RAD18: variants seen among roughly 807,000 people sequenced by gnomAD.
The protein encoded by RAD18 is E3 ubiquitin-protein ligase RAD18.
A neutral mutation model predicts 60.4 loss-of-function variants in RAD18; 47 were observed. The observed-to-expected ratio is 0.78, with a 90% CI of 0.62 to 0.99. RAD18 has a LOEUF of 0.99. RAD18 is among the 50% of genes least tolerant of loss of function. RAD18 has a pLI of 0.00. For missense variants in RAD18, 640 were observed against 593.3 expected (o/e 1.08, Z -0.82); for synonymous variants, 225 against 195.5 (o/e 1.15, Z -1.26).
rs549627114 is a variant in RAD18, at chr3:8,879,230, T to C, written c.*2127A>G. The C allele has an allele frequency of 3.9e-5, 6 of 152,180 alleles. No homozygotes were observed. Among genetic ancestry groups the C allele is most frequent in the Admixed American group, 6.5e-5 (1 of 15,272 alleles). The allele number at this position is 152,180 out of a possible 1,614,324, so 9.4% of individuals were successfully genotyped here. A position where few individuals can be genotyped will look rare whatever the true frequency, so the allele number is the denominator to read the frequency against. The stretch of plus-strand genomic sequence containing the variant: ...CCCTTAACCCCTACCACTAAATATG[T>C]TGGAAGTCTTAACTGCCGGTATCTC... On this transcript the variant is annotated 3_prime_UTR_variant, in exon 13 of 13. Transcript: ENST00000264926.
intron 7 of RAD18, among the ~76,000 whole-genome samples, chr3:8,921,812 C>A (rs899586350): frequency 1.3e-5 from 2 of 152,152 alleles, no homozygotes; most frequent in African/African-American, 2.4e-5. Flanking sequence ...TGTAGGTAAA[C>A]ACAGACCTTC....
intron 9 of RAD18, among the ~76,000 whole-genome samples, chr3:8,906,612 TTCTC>T (rs1454766812): frequency 4.6e-5 from 7 of 152,198 alleles, no homozygotes; most frequent in Admixed American, 2.0e-4. Flanking sequence ...ATGATTTGTT[TTCTC>T]TCTATCTCAG....
chr3:8,931,497 T>C (rs995261896), intron 7 of RAD18: 32 of 152,284 alleles, frequency 2.1e-4, no homozygotes, highest in Admixed American at 2.0e-3. Flanking sequence ...CTGCAGATGC[T>C]GTCCTGGACC....
At chr3:8,941,826 C>G in intron 4 of RAD18, 22 bp from the exon 5 acceptor site, 1 of 1,567,426 alleles carries the variant, frequency 6.4e-7, no homozygotes, top group East Asian at 2.2e-5. Context: ...AAGAACACAA[C>G]AGACAATTAA....
chr3:8,942,974 G>T (rs1408392898), intron 4 of RAD18, among the ~76,000 whole-genome samples: 2 of 152,174 alleles, frequency 1.3e-5, no homozygotes. Context: ...ACATTCAAGT[G>T]ACACCCCACA....
At chr3:8,943,115 T>C (rs1940782536) in intron 4 of RAD18, among the ~76,000 whole-genome samples, 1 of 152,218 alleles carries the variant, frequency 6.6e-6, no homozygotes, top group Non-Finnish European at 1.5e-5. Flanking sequence ...AACTGCCTCT[T>C]AGAACAAAAT....
rs112204554 is a variant in RAD18, at chr3:8,932,022, A to C, written c.889+3849T>G. ...TAAATGAAAATGGATCATAGATTTA[A>C]ATATAAAAGCGAAAATTATAAAACT... is the stretch of plus-strand genomic sequence containing the variant. On this transcript the variant is annotated intron_variant, in intron 7 of 12. Transcript: ENST00000264926. Among the ~76,000 whole-genome samples the C allele has an allele frequency of 2.7e-3, 413 of 152,364 alleles. 2 individuals are homozygous for C. The highest frequency in any genetic ancestry group is 3.9e-3 in the Non-Finnish European group (267 of 68,026).
intron 4 of RAD18, 38 bp from the exon 5 acceptor site, chr3:8,941,842 C>T: frequency 6.7e-7 from 1 of 1,499,802 alleles, no homozygotes; most frequent in South Asian, 1.2e-5. Context: ...ATTAAGAGAT[C>T]CAATTTTACA....
chr3:8,926,631 A>C (rs895783013), intron 7 of RAD18, among the ~76,000 whole-genome samples: 3 of 152,358 alleles, frequency 2.0e-5, no homozygotes, highest in Middle Eastern at 3.4e-3. Context: ...ACAAAGCTGG[A>C]GGCATCATGC....
intron 1 of RAD18, among the ~76,000 whole-genome samples, chr3:8,962,903 C>A (rs1941113823): frequency 6.6e-6 from 1 of 152,116 alleles, no homozygotes; most frequent in African/African-American, 2.4e-5. Flanking sequence ...AATGAAAGAG[C>A]CTGTAAAGGA....
rs528371501 is a variant in RAD18, at chr3:8,939,780, G to A, written c.605-127C>T. The A allele has an allele frequency of 1.7e-5, 13 of 750,804 alleles. No homozygotes were observed. In the South Asian group the frequency reaches 2.5e-4, roughly 15 times the overall value. 46.5% of individuals were successfully genotyped at this position (750,804 alleles called of 1,614,324 possible). Reference sequence around the variant, plus strand: ...AACTTAACATGCACTTAGAAAAGCAGAAAAGAAAAAGAATGGCCCATCGGG... The same window carrying A: ...AACTTAACATGCACTTAGAAAAGCAAAAAAGAAAAAGAATGGCCCATCGGG... On this transcript the variant is annotated intron_variant, in intron 5 of 12. Transcript: ENST00000264926.
chr3:8,940,991 T>C lies in RAD18; in HGVS notation c.604+476A>G, dbSNP rs531653287. 9.2e-5 allele frequency among the ~76,000 whole-genome samples: 14 copies of C among 152,302 alleles called. No homozygotes were observed. The South Asian group carries it at 1.9e-3, about 20-fold the overall frequency. Reference sequence around the variant, plus strand: ...CAGTTGTAGTTTGCCAATTCCTCAGTGTACTGGAGGAACAGTGGGGAGGCT... The same window carrying C: ...CAGTTGTAGTTTGCCAATTCCTCAGCGTACTGGAGGAACAGTGGGGAGGCT... On this transcript the variant is annotated intron_variant, in intron 5 of 12. Transcript: ENST00000264926.
rs569925568 is a variant in RAD18 at position 8,931,754 on chromosome 3, T to A, written c.889+4117A>T. The A allele has an allele frequency of 4.8e-4, 73 of 152,286 alleles. 1 individual carries two copies. Among genetic ancestry groups the A allele is most frequent in the African/African-American group, 1.6e-3 (67 of 41,558 alleles). 9.4% of individuals were successfully genotyped at this position (152,286 alleles called of 1,614,324 possible). ...TACCTGATAATTTTAAGACTTACTATAAAGTTACAGAAATCAAGAGTGTGT... is the reference window on the plus strand; with the variant it reads ...TACCTGATAATTTTAAGACTTACTAAAAAGTTACAGAAATCAAGAGTGTGT... On this transcript the variant is annotated intron_variant, in intron 7 of 12. Coordinates refer to ENST00000264926, the MANE Select transcript of RAD18 (RefSeq NM_020165.4).
chr3:8,935,256 A>C (rs576063137), intron 7 of RAD18, among the ~76,000 whole-genome samples: 3 of 152,352 alleles, frequency 2.0e-5, no homozygotes, highest in Non-Finnish European at 4.4e-5. Flanking sequence ...TAATAGAAAG[A>C]ACTCCAATGT....
chr3:8,959,022 T>G, intron 1 of RAD18, 21 bp from the exon 2 acceptor site: 1 of 1,595,468 alleles, frequency 6.3e-7, no homozygotes, highest in South Asian at 1.1e-5. Flanking sequence ...AATATGCATA[T>G]ATACATATCA....
intron 7 of RAD18, among the ~76,000 whole-genome samples, chr3:8,921,101 G>A (rs1358042877): frequency 2.0e-5 from 3 of 152,190 alleles, no homozygotes; most frequent in African/African-American, 7.2e-5. Flanking sequence ...AAATATGTGT[G>A]TAATTATATG....
chr3:8,948,621 C>T (rs755934740), intron 2 of RAD18, 51 bp from the exon 3 acceptor site: 1 of 1,440,694 alleles, frequency 6.9e-7, no homozygotes, highest in South Asian at 1.2e-5. Context: ...ATTAATAATA[C>T]AGGAATATGA....
chr3:8,949,363 G>A (rs1940891889), intron 2 of RAD18, among the ~76,000 whole-genome samples: 1 of 152,168 alleles, frequency 6.6e-6, no homozygotes, highest in Non-Finnish European at 1.5e-5. Context: ...TTTAGTTGAG[G>A]AGGAGACAGC....
At chr3:8,889,202 AAGATAGT>A (rs1939637745) in intron 12 of RAD18, among the ~76,000 whole-genome samples, 1 of 152,194 alleles carries the variant, frequency 6.6e-6, no homozygotes, top group Non-Finnish European at 1.5e-5. Flanking sequence ...CACCTTTGGA[AAGATAGT>A]AGAGTTTAAT....
Sources: allele counts gnomAD v4.1 joint callset (sites outside exome capture counted in the v4.1 genomes callset), GRCh38; gene constraint gnomAD v4.1.1; transcripts MANE v1.5; gene names NCBI Gene and HGNC (gene_info 2026-07-23, HGNC 2026-07-21).